Variants in LRRC9 observed in about 807,000 individuals in gnomAD.
The protein encoded by LRRC9 is leucine-rich repeat-containing protein 9.
In LRRC9, 122 loss-of-function variants were observed where a neutral mutation model predicts 63.2. The observed-to-expected ratio is 1.93, with a 90% CI of 1.67 to 2.24. The LOEUF (loss-of-function observed/expected upper bound fraction) is 2.24. Ranked by LOEUF, LRRC9 falls within the 30% of genes most tolerant of loss-of-function variation. The probability of loss-of-function intolerance (pLI) is 0.00; values close to 1 mark genes in which losing one functional copy is unlikely to be tolerated. For synonymous variants in LRRC9, 366 were observed against 213.1 expected, an observed-to-expected ratio of 1.72 and a Z score of -6.25; for missense variants, 1,071 against 627.7, an observed-to-expected ratio of 1.71 and a Z score of -7.55.
chr14:60,008,989 C>G (rs538454327), intron 23 of LRRC9, among the ~76,000 whole-genome samples: 54 of 152,262 alleles, frequency 3.5e-4, no homozygotes, highest in African/African-American at 1.2e-3. Context: ...TCTCTAGAAC[C>G]TTGTATACTG....
intron 29 of LRRC9, among the ~76,000 whole-genome samples, chr14:60,041,593 CA>C (rs1892948049): frequency 6.6e-6 from 1 of 152,232 alleles, no homozygotes; most frequent in Non-Finnish European, 1.5e-5. Context: ...TCAGCTCCAT[CA>C]GGTCATTTAA....
rs925577629 is a variant in LRRC9, at chr14:60,062,180, G to A, written c.4277-1143G>A. ...ACCAGAGCAACCAAGATAAGAGAAGGTAAAGCTATTTTCTCTGTGTTTTAA... is the reference window on the plus strand; with the variant it reads ...ACCAGAGCAACCAAGATAAGAGAAGATAAAGCTATTTTCTCTGTGTTTTAA... On this transcript the variant is annotated intron_variant, in intron 31 of 31. Coordinates refer to ENST00000445360, the Ensembl canonical transcript of LRRC9. 1 of 398,454 alleles carries A rather than the reference G, an allele frequency of 2.5e-6. No homozygotes were observed. Among genetic ancestry groups the A allele is most frequent in the African/African-American group, 2.1e-5 (1 of 48,534 alleles). 24.7% of individuals were successfully genotyped at this position (398,454 alleles called of 1,614,324 possible). A position where few individuals can be genotyped will look rare whatever the true frequency, so the allele number is the denominator to read the frequency against.
rs1312689383 is a variant in LRRC9 at position 59,942,864 on chromosome 14, G to A, written c.727-1725G>A. On this transcript the variant is annotated intron_variant, in intron 7 of 31. Coordinates refer to ENST00000445360, the Ensembl canonical transcript of LRRC9. The surrounding 1 kb of genome is among the most constrained non-coding windows in gnomAD (Gnocchi z 5.3). ...TTTATTTGCATTTCCATGATGGTTAGTTAGTGATGTTGAGCATTTTTTCAT... is the reference window on the plus strand; with the variant it reads ...TTTATTTGCATTTCCATGATGGTTAATTAGTGATGTTGAGCATTTTTTCAT... Among the ~76,000 whole-genome samples, 1 of 151,932 alleles carries A rather than the reference G, an allele frequency of 6.6e-6. No homozygotes were observed. The highest frequency in any genetic ancestry group is 1.9e-4 in the East Asian group (1 of 5,170).
intron 10 of LRRC9, among the ~76,000 whole-genome samples, chr14:59,963,245 C>CG (rs1191198504): frequency 6.6e-6 from 1 of 152,138 alleles, no homozygotes; most frequent in Non-Finnish European, 1.5e-5. Flanking sequence ...ATGTCATTAT[C>CG]TCTTAGCTTC....
At chr14:59,971,333 A>T (rs1885473714) in intron 12 of LRRC9, among the ~76,000 whole-genome samples, 1 of 151,880 alleles carries the variant, frequency 6.6e-6, no homozygotes, top group Non-Finnish European at 1.5e-5. Context: ...CTTACTGTAG[A>T]CCTGTAGTGT....
chr14:59,974,556 A>G lies in LRRC9; in HGVS notation c.1507-20A>G. ...TTGTCAATTTTATAAAAATACTCAG[A>G]CTTTGTTTTTTCTTTGCAGCTGCCT... On this transcript the variant is annotated intron_variant, in intron 12 of 31. Transcript: ENST00000445360. The G allele has an allele frequency of 1.6e-6, 1 of 627,676 alleles. No individual in the cohort carries two copies. Among genetic ancestry groups the G allele is most frequent in the Non-Finnish European group, 2.8e-6 (1 of 352,014 alleles). The allele number at this position is 627,676 out of a possible 1,614,324, so 38.9% of individuals were successfully genotyped here.
intron 16 of LRRC9, among the ~76,000 whole-genome samples, chr14:59,982,387 G>A (rs1887023580): frequency 6.6e-6 from 1 of 152,150 alleles, no homozygotes; most frequent in African/African-American, 2.4e-5. Flanking sequence ...ACCACAGACT[G>A]AGTAATTTAT....
intron 10 of LRRC9, among the ~76,000 whole-genome samples, chr14:59,965,749 G>A (rs1439191750): frequency 6.6e-6 from 1 of 151,672 alleles, no homozygotes; most frequent in African/African-American, 2.4e-5. Context: ...CGGGCGTGAT[G>A]GCGGGCGCCT....
chr14:60,013,784 C>T (rs1403718582), intron 23 of LRRC9, among the ~76,000 whole-genome samples: 10 of 152,102 alleles, frequency 6.6e-5, no homozygotes, highest in Admixed American at 6.6e-4. Context: ...TACTTTCAAC[C>T]TGCATATATT....
chr14:59,999,811 T>C (rs1401342531), intron 19 of LRRC9, among the ~76,000 whole-genome samples: 1 of 152,036 alleles, frequency 6.6e-6, no homozygotes, highest in Non-Finnish European at 1.5e-5. Flanking sequence ...TTTGGATCTA[T>C]TCAAAATTTT....
intron 15 of LRRC9, among the ~76,000 whole-genome samples, chr14:59,980,551 A>G (rs1022142294): frequency 4.6e-5 from 7 of 152,180 alleles, no homozygotes; most frequent in African/African-American, 1.7e-4. Context: ...AATATGATTG[A>G]AATTATATTG....
At chr14:60,014,745 G>T (rs991877999) in intron 23 of LRRC9, among the ~76,000 whole-genome samples, 4 of 151,530 alleles carry the variant, frequency 2.6e-5, no homozygotes, top group African/African-American at 4.8e-5. Context: ...ATGGATTTGG[G>T]TTTTTTTTCC....
chr14:60,006,397 G>A, exon 22 of LRRC9: 1 of 682,662 alleles, frequency 1.5e-6, no homozygotes, highest in Non-Finnish European at 2.7e-6. Context: ...ATTTTTCTAG[G>A]TATTTCCAAG....
At chr14:59,928,144 T>C in intron 2 of LRRC9, 124 bp from the exon 3 acceptor site, 1 of 566,824 alleles carries the variant, frequency 1.8e-6, no homozygotes, top group Non-Finnish European at 3.1e-6. Context: ...GTGATATAAC[T>C]TTCTCTCTTG....
intron 17 of LRRC9, among the ~76,000 whole-genome samples, chr14:59,994,340 T>A (rs1023717399): frequency 8.5e-5 from 13 of 152,090 alleles, no homozygotes; most frequent in African/African-American, 3.1e-4. Flanking sequence ...AGAATGGCGA[T>A]CATTAAAAAG....
exon 17 of LRRC9, chr14:59,985,191 T>C: frequency 1.4e-6 from 1 of 690,218 alleles, no homozygotes; most frequent in Non-Finnish European, 2.6e-6. Context: ...TTAGCTTTAA[T>C]GAATTTACCT....
intron 24 of LRRC9, 42 bp from the exon 25 acceptor site, chr14:60,018,329 T>C (rs1287379312): frequency 1.4e-6 from 1 of 698,658 alleles, no homozygotes; most frequent in Non-Finnish European, 2.6e-6. Flanking sequence ...TATTTTCCTG[T>C]CCTATTAAAA....
chr14:59,993,867 G>A (rs566046289), intron 17 of LRRC9, among the ~76,000 whole-genome samples: 2 of 152,298 alleles, frequency 1.3e-5, no homozygotes, highest in South Asian at 4.1e-4. Flanking sequence ...AATAATGGGA[G>A]ACTTTAACAC....
At chr14:59,976,015 C>T (rs1472368020) in intron 13 of LRRC9, among the ~76,000 whole-genome samples, 1 of 152,210 alleles carries the variant, frequency 6.6e-6, no homozygotes, top group Non-Finnish European at 1.5e-5. Flanking sequence ...ACATCAGTGG[C>T]AGCATTTGAT....
Sources: allele counts gnomAD v4.1 joint callset (sites outside exome capture counted in the v4.1 genomes callset), GRCh38; gene constraint gnomAD v4.1.1; non-coding constraint Gnocchi (gnomAD v3.1); transcripts MANE v1.5; gene names NCBI Gene and HGNC (gene_info 2026-07-23, HGNC 2026-07-21).